Variants in GRM1 observed in about 807,000 individuals in gnomAD.
GRM1 encodes the protein glutamate metabotropic receptor 1, also known as metabotropic glutamate receptor 1.
Under a neutral mutation model 90.9 loss-of-function variants are expected in GRM1, and 33 were observed. That is an observed-to-expected ratio of 0.36 (90% CI 0.28 to 0.49). GRM1 has a LOEUF of 0.49. Among genes scored for constraint, GRM1 ranks in the 20% least tolerant of loss-of-function variants. The pLI, the probability that GRM1 is intolerant of heterozygous loss-of-function variation, is 0.99. For missense variants in GRM1, 1,190 were observed against 1,534.3 expected, an observed-to-expected ratio of 0.78 and a Z score of 3.75; for synonymous variants, 700 against 613.2, an observed-to-expected ratio of 1.14 and a Z score of -2.09.
intron 2 of GRM1, among the ~76,000 whole-genome samples, chr6:146,279,303 T>C (rs996270002): frequency 1.3e-5 from 2 of 152,152 alleles, no homozygotes; most frequent in East Asian, 1.9e-4. Context: ...ATAATGACTT[T>C]TGGTTTCTTT....
intron 2 of GRM1, among the ~76,000 whole-genome samples, chr6:146,270,924 C>CTTT (rs1562571331): frequency 1.2e-4 from 11 of 92,338 alleles, no homozygotes; most frequent in African/African-American, 5.8e-4. Flanking sequence ...TTCCTTCCTT[C>CTTT]CTTCCTTCCT....
At chr6:146,411,406 C>CAT (rs151152375) in intron 7 of GRM1, among the ~76,000 whole-genome samples, 1,936 of 152,226 alleles carry the variant, frequency 0.013, 47 homozygotes, top group African/African-American at 0.045. Flanking sequence ...AGAAGGAAAA[C>CAT]AGTGAGACAA....
intron 1 of GRM1, among the ~76,000 whole-genome samples, chr6:146,093,866 G>A (rs141999750): frequency 4.6e-5 from 7 of 152,062 alleles, no homozygotes; most frequent in African/African-American, 9.6e-5. Context: ...TTTCTAGGTC[G>A]ATTTTCTCCT....
At chr6:146,364,684 T>TA (rs1775611275) in intron 5 of GRM1, among the ~76,000 whole-genome samples, 2 of 152,056 alleles carry the variant, frequency 1.3e-5, no homozygotes, top group Non-Finnish European at 2.9e-5. Context: ...GTACAATAGT[T>TA]ACTCGCATAT....
At chr6:146,030,478 T>A (rs41285855) in intron 1 of GRM1, among the ~76,000 whole-genome samples, 28 of 152,334 alleles carry the variant, frequency 1.8e-4, no homozygotes, top group Non-Finnish European at 3.2e-4. Flanking sequence ...TGTCCAGCAG[T>A]AGATTTGACT....
intron 2 of GRM1, among the ~76,000 whole-genome samples, chr6:146,247,563 AC>A (rs1781103054): frequency 6.6e-6 from 1 of 152,014 alleles, no homozygotes; most frequent in African/African-American, 2.4e-5. Context: ...AGCCTGGCCA[AC>A]ATGGTGAAAC....
chr6:146,065,511 A>G (rs1235082325), intron 1 of GRM1, among the ~76,000 whole-genome samples: 1 of 152,214 alleles, frequency 6.6e-6, no homozygotes, highest in East Asian at 1.9e-4. Context: ...CAAGTACATG[A>G]GATAATACCT....
intron 7 of GRM1, among the ~76,000 whole-genome samples, chr6:146,427,393 C>G (rs986193533): frequency 2.0e-5 from 3 of 152,114 alleles, no homozygotes; most frequent in African/African-American, 7.2e-5. Context: ...TTCAGCTGTT[C>G]CTTTACAGCC....
At chr6:146,420,991 C>T (rs932371589) in intron 7 of GRM1, among the ~76,000 whole-genome samples, 1 of 152,010 alleles carries the variant, frequency 6.6e-6, no homozygotes, top group Non-Finnish European at 1.5e-5. Context: ...ATCAGGATAA[C>T]AACATCTGAT....
At chr6:146,372,971 T>G (rs1775957725) in intron 5 of GRM1, among the ~76,000 whole-genome samples, 1 of 152,140 alleles carries the variant, frequency 6.6e-6, no homozygotes, top group South Asian at 2.1e-4. Context: ...CTATACAAAC[T>G]TTAGGATAGT....
intron 1 of GRM1, among the ~76,000 whole-genome samples, chr6:146,139,385 G>C (rs115743869): frequency 6.6e-6 from 1 of 152,128 alleles, no homozygotes; most frequent in African/African-American, 2.4e-5. Context: ...CTGTATGGAT[G>C]ATCTGTCCAA....
rs182074431 is a variant in GRM1, at chr6:146,247,335, C to G, written c.951-57276C>G. On this transcript the variant is annotated intron_variant, in intron 2 of 7. Transcript: ENST00000282753. ...CATTAGTGACCTGGCTGCCACTAAC[C>G]TAGTGATACAGCTGCATGGTACAAG... is the stretch of plus-strand genomic sequence containing the variant. Among the ~76,000 whole-genome samples the G allele has an allele frequency of 2.1e-3, 325 of 152,268 alleles. 2 individuals are homozygous for G. The highest frequency in any genetic ancestry group is 0.014 in the South Asian group (66 of 4,822).
intron 1 of GRM1, among the ~76,000 whole-genome samples, chr6:146,094,661 A>G (rs1199810953): frequency 1.3e-5 from 2 of 152,136 alleles, no homozygotes; most frequent in Non-Finnish European, 1.5e-5. Context: ...AATGGAGCAT[A>G]GTTATTCTAA....
intron 2 of GRM1, among the ~76,000 whole-genome samples, chr6:146,296,333 ATGT>A (rs1379108127): frequency 6.6e-6 from 1 of 152,222 alleles, no homozygotes; most frequent in East Asian, 1.9e-4. Flanking sequence ...GTACAATGTG[ATGT>A]TGTGATACAT....
intron 1 of GRM1, among the ~76,000 whole-genome samples, chr6:146,134,931 A>AAAAAC (rs573491985): frequency 7.5e-4 from 114 of 152,138 alleles, no homozygotes; most frequent in Middle Eastern, 3.4e-3. Flanking sequence ...ACTCCGTCTC[A>AAAAAC]AAAACAAAAC....
At chr6:146,113,256 A>G (rs1437764429) in intron 1 of GRM1, among the ~76,000 whole-genome samples, 1 of 152,184 alleles carries the variant, frequency 6.6e-6, no homozygotes, top group Non-Finnish European at 1.5e-5. Flanking sequence ...GATTGAATAG[A>G]CACTCAACAA....
intron 7 of GRM1, among the ~76,000 whole-genome samples, chr6:146,423,490 C>T (rs1277176908): frequency 2.7e-5 from 4 of 150,734 alleles, no homozygotes; most frequent in African/African-American, 9.8e-5. Flanking sequence ...CAAATCTCTC[C>T]ATCAGTAGTT....
At chr6:146,107,349 C>G (rs893301302) in intron 1 of GRM1, among the ~76,000 whole-genome samples, 2 of 143,898 alleles carry the variant, frequency 1.4e-5, no homozygotes, top group Non-Finnish European at 3.0e-5. Flanking sequence ...TTGTTGTTGT[C>G]TTTCCAGGTA....
chr6:146,251,951 A>G (rs558723720), intron 2 of GRM1, among the ~76,000 whole-genome samples: 23 of 152,214 alleles, frequency 1.5e-4, no homozygotes, highest in African/African-American at 5.3e-4. Flanking sequence ...CACCTCCTTC[A>G]TGGATTTTTC....
Sources: gnomAD v4.1 joint callset for allele counts (sites outside exome capture counted in the v4.1 genomes callset) on GRCh38, gnomAD v4.1.1 for gene constraint, MANE v1.5 for transcripts, NCBI Gene and HGNC (gene_info 2026-07-23, HGNC 2026-07-21) for gene names.